Variants in RNF182 observed in about 807,000 individuals in gnomAD.
The protein encoded by RNF182 is ring finger protein 182.
Under a neutral mutation model 14.4 loss-of-function variants are expected in RNF182, and 15 were observed. The observed-to-expected ratio is 1.04, with a 90% CI of 0.70 to 1.60. The LOEUF is 1.60. Ranked by LOEUF, RNF182 falls within the 40% of genes most tolerant of loss-of-function variation. The pLI is 0.00. For synonymous variants in RNF182, 128 were observed against 122.9 expected, an observed-to-expected ratio of 1.04 and a Z score of -0.27; for missense variants, 268 against 294.8, an observed-to-expected ratio of 0.91 and a Z score of 0.67.
chr6:13,948,178 G>A (rs2113608969), intron 1 of RNF182, among the ~76,000 whole-genome samples: 1 of 152,244 alleles, frequency 6.6e-6, no homozygotes, highest in Admixed American at 6.5e-5. Context: ...CAAGAGTCTT[G>A]GAAGTTTTTC....
At chr6:13,940,583 A>G (rs546383719) in intron 1 of RNF182, among the ~76,000 whole-genome samples, 18 of 151,912 alleles carry the variant, frequency 1.2e-4, no homozygotes, top group South Asian at 2.1e-4. Flanking sequence ...TTGCTATTGT[A>G]TGCTTATTTT....
At chr6:13,960,656 A>AGC (rs1298804988) in intron 1 of RNF182, among the ~76,000 whole-genome samples, 1 of 133,112 alleles carries the variant, frequency 7.5e-6, no homozygotes, top group South Asian at 2.6e-4. Context: ...GGAGAGAGAG[A>AGC]GTGTGTGTGT....
At chr6:13,951,369 T>TGG (rs1254628836) in intron 1 of RNF182, among the ~76,000 whole-genome samples, 2 of 152,182 alleles carry the variant, frequency 1.3e-5, no homozygotes, top group African/African-American at 4.8e-5. Flanking sequence ...ATTTTTATAC[T>TGG]GGATCCTTGA....
intron 1 of RNF182, among the ~76,000 whole-genome samples, chr6:13,969,799 A>G (rs75541670): frequency 6.6e-6 from 1 of 152,098 alleles, no homozygotes; most frequent in Non-Finnish European, 1.5e-5. Flanking sequence ...CAGATGACTT[A>G]TAAAAGGATG....
Position 13,977,869 on chromosome 6 carries a change from AT to A in RNF182, c.*7del, listed in dbSNP as rs1484646632. On this transcript the variant is annotated 3_prime_UTR_variant, in exon 3 of 3. Transcript: ENST00000488300. ...GTATGGCACCTCCTTCTTAACTGAT[AT>A]GCAAAATAAGAAATTGGACACACAT... 7 of 1,597,730 alleles carry A rather than the reference AT, an allele frequency of 4.4e-6. No homozygotes were observed. In the East Asian group the frequency reaches 1.6e-4, roughly 36 times the overall value.
chr6:13,978,584 A>G lies in RNF182; in HGVS notation c.*721A>G, dbSNP rs952163194. The G allele has an allele frequency of 6.0e-6, 1 of 166,840 alleles. No individual in the cohort carries two copies. Among genetic ancestry groups the G allele is most frequent in the African/African-American group, 2.4e-5 (1 of 41,402 alleles). 10.3% of individuals were successfully genotyped at this position (166,840 alleles called of 1,614,324 possible). A position where few individuals can be genotyped will look rare whatever the true frequency, so the allele number is the denominator to read the frequency against. On this transcript the variant is annotated 3_prime_UTR_variant, in exon 3 of 3. Transcript: ENST00000488300. ...TCTGTTTTCCTCTCTCCTCAGTCTT[A>G]TCTGAGAAGAATGGAGGAGAAGGAA... is the stretch of plus-strand genomic sequence containing the variant.
At chr6:13,966,316 A>G (rs1004059096) in intron 1 of RNF182, among the ~76,000 whole-genome samples, 5 of 152,250 alleles carry the variant, frequency 3.3e-5, no homozygotes, top group Admixed American at 6.5e-5. Flanking sequence ...CAGGAGGGAA[A>G]TATTTGGAAT....
chr6:13,957,657 T>G (rs1336908410), intron 1 of RNF182, among the ~76,000 whole-genome samples: 11 of 152,196 alleles, frequency 7.2e-5, no homozygotes, highest in Admixed American at 7.2e-4. Context: ...ACGTTTTGGT[T>G]TGTGACTTTG....
intron 1 of RNF182, among the ~76,000 whole-genome samples, chr6:13,972,140 A>G (rs892236385): frequency 2.0e-5 from 3 of 151,782 alleles, no homozygotes; most frequent in African/African-American, 7.3e-5. Context: ...CTACTAAAAA[A>G]TACAAAAAAA....
chr6:13,968,241 ACAAT>A (rs1760085065), intron 1 of RNF182, among the ~76,000 whole-genome samples: 1 of 152,224 alleles, frequency 6.6e-6, no homozygotes, highest in Non-Finnish European at 1.5e-5. Flanking sequence ...GAGAAAAGAA[ACAAT>A]CAGGGGCAGA....
At chr6:13,963,322 A>G (rs577119045) in intron 1 of RNF182, among the ~76,000 whole-genome samples, 76 of 152,328 alleles carry the variant, frequency 5.0e-4, no homozygotes, top group African/African-American at 1.7e-3. Context: ...TGAGGGAAAT[A>G]ATTTCTTTGG....
intron 1 of RNF182, among the ~76,000 whole-genome samples, chr6:13,972,949 T>C (rs970053886): frequency 2.0e-5 from 3 of 152,162 alleles, no homozygotes; most frequent in African/African-American, 4.8e-5. Context: ...GATAGATCCA[T>C]AGACAGCTTG....
chr6:13,964,445 A>G (rs1427628678), intron 1 of RNF182, among the ~76,000 whole-genome samples: 5 of 152,150 alleles, frequency 3.3e-5, no homozygotes, highest in Admixed American at 2.0e-4. Flanking sequence ...CCATCTAGGT[A>G]AATATTTGGG....
At chr6:13,951,715 C>T (rs549151934) in intron 1 of RNF182, among the ~76,000 whole-genome samples, 1 of 152,302 alleles carries the variant, frequency 6.6e-6, no homozygotes, top group African/African-American at 2.4e-5. Flanking sequence ...CTCTGAGTGG[C>T]TCTGATAGTC....
intron 1 of RNF182, among the ~76,000 whole-genome samples, chr6:13,952,295 C>T (rs569156111): frequency 2.0e-4 from 31 of 152,256 alleles, no homozygotes; most frequent in Admixed American, 1.2e-3. Flanking sequence ...TCCCCCTTTG[C>T]GGGAGAGAAA....
chr6:13,945,772 C>T (rs769902547), intron 1 of RNF182, among the ~76,000 whole-genome samples: 27 of 152,164 alleles, frequency 1.8e-4, no homozygotes, highest in African/African-American at 6.3e-4. Flanking sequence ...TTTTCCTCTG[C>T]CTTTTTGGCA....
intron 1 of RNF182, among the ~76,000 whole-genome samples, chr6:13,964,001 A>G (rs759989098): frequency 1.3e-5 from 2 of 152,134 alleles, no homozygotes; most frequent in African/African-American, 4.8e-5. Flanking sequence ...AAAGTGGGGA[A>G]GAAGACCCAA....
intron 1 of RNF182, among the ~76,000 whole-genome samples, chr6:13,925,911 A>G (rs958620858): frequency 6.6e-6 from 1 of 151,898 alleles, no homozygotes; most frequent in East Asian, 1.9e-4. Flanking sequence ...CCTTGCAATC[A>G]TTTCGTGATA....
At chr6:13,934,271 T>C (rs947613606) in intron 1 of RNF182, among the ~76,000 whole-genome samples, 2 of 152,164 alleles carry the variant, frequency 1.3e-5, no homozygotes, top group African/African-American at 4.8e-5. Context: ...CCCTGTCTCT[T>C]ATTGTTATGG....
Sources: allele counts gnomAD v4.1 joint callset (sites outside exome capture counted in the v4.1 genomes callset), GRCh38; gene constraint gnomAD v4.1.1; transcripts MANE v1.5; gene names NCBI Gene and HGNC (gene_info 2026-07-23, HGNC 2026-07-21).